The following SNTG1 variants were observed in gnomAD, a reference collection of about 807,000 sequenced individuals.
SNTG1 encodes syntrophin gamma 1, also known as gamma-1-syntrophin.
A neutral mutation model predicts 74.7 loss-of-function variants in SNTG1; 39 were observed. The observed-to-expected ratio is 0.52, with a 90% CI of 0.40 to 0.68. SNTG1 has a LOEUF of 0.68. Ranked by LOEUF, SNTG1 falls within the 30% of genes least tolerant of loss-of-function variation. The pLI, the probability that SNTG1 is intolerant of heterozygous loss-of-function variation, is 0.00. For synonymous variants in SNTG1, 254 were observed against 217.1 expected, an observed-to-expected ratio of 1.17 and a Z score of -1.49; for missense variants, 685 against 609.5, an observed-to-expected ratio of 1.12 and a Z score of -1.30.
At chr8:50,610,774 C>T (rs2094844288) in intron 13 of SNTG1, among the ~76,000 whole-genome samples, 1 of 152,076 alleles carries the variant, frequency 6.6e-6, no homozygotes, top group Non-Finnish European at 1.5e-5. Flanking sequence ...GTAGTAAGAC[C>T]ATAAACTCCT....
chr8:50,164,628 G>A (rs1270393595), intron 1 of SNTG1, among the ~76,000 whole-genome samples: 1 of 152,014 alleles, frequency 6.6e-6, no homozygotes, highest in South Asian at 2.1e-4. Flanking sequence ...TTATTTATTT[G>A]TCCCTTGTTT....
rs566553080 is a variant in SNTG1, at chr8:50,057,848, A to G, written c.-102-114713A>G. 7.2e-5 allele frequency among the ~76,000 whole-genome samples: 11 copies of G among 152,276 alleles called. 1 individual carries two copies. The highest frequency in any genetic ancestry group is 2.4e-4 in the African/African-American group (10 of 41,576). On this transcript the variant is annotated intron_variant, in intron 1 of 18. Coordinates refer to ENST00000642720, the MANE Select transcript of SNTG1 (RefSeq NM_018967.5). The stretch of plus-strand genomic sequence containing the variant: ...CTATTTTAGGGTTGTTAATGATCCC[A>G]GGACCCATGATCATTTCAGTTTAGG...
At chr8:50,208,565 A>T (rs140200994) in intron 2 of SNTG1, among the ~76,000 whole-genome samples, 75 of 152,234 alleles carry the variant, frequency 4.9e-4, no homozygotes, top group African/African-American at 1.4e-3. Flanking sequence ...TTTACATTTA[A>T]GGTTAATATT....
chr8:50,120,991 G>A lies in SNTG1; in HGVS notation c.-102-51570G>A, dbSNP rs182250913. Among the ~76,000 whole-genome samples the A allele has an allele frequency of 5.6e-5, 8 of 141,692 alleles. 3 individuals carry two copies. The Admixed American group carries it at 5.8e-4, about 10-fold the overall frequency. 93.0% of individuals were successfully genotyped at this position (141,692 alleles called of 152,430 possible). On this transcript the variant is annotated intron_variant, in intron 1 of 18. Transcript: ENST00000642720. ...TCTGACTTATAGGAAACACTGAGCT[G>A]CTTTTGCTCCCCATATTTCATTATC...
At chr8:50,749,320 G>T (rs1207882067) in intron 17 of SNTG1, among the ~76,000 whole-genome samples, 1 of 152,030 alleles carries the variant, frequency 6.6e-6, no homozygotes, top group Non-Finnish European at 1.5e-5. Context: ...AAAGGTTGAA[G>T]CTAGCATAAG....
intron 1 of SNTG1, among the ~76,000 whole-genome samples, chr8:50,092,325 T>C (rs2079770615): frequency 6.6e-6 from 1 of 152,202 alleles, no homozygotes; most frequent in Non-Finnish European, 1.5e-5. Flanking sequence ...TGGGAGGTTT[T>C]TGAGAGCCAC....
rs545326242 is a variant in SNTG1, at chr8:49,952,799, T to C, written c.-103+40568T>C. On this transcript the variant is annotated intron_variant, in intron 1 of 18. Transcript: ENST00000642720. The stretch of plus-strand genomic sequence containing the variant: ...AAATATATAGGACTTTTTAATAGCT[T>C]TGACTTAATAGGTAATCATAAGAAG... Among the ~76,000 whole-genome samples, 3 of 152,278 alleles carry C rather than the reference T, an allele frequency of 2.0e-5. No individual in the cohort carries two copies. In the East Asian group the frequency reaches 5.8e-4, roughly 29 times the overall value.
At chr8:50,501,727 G>C (rs542230120) in intron 8 of SNTG1, among the ~76,000 whole-genome samples, 143 of 151,704 alleles carry the variant, frequency 9.4e-4, no homozygotes, top group Non-Finnish European at 1.8e-3. Context: ...CAAAGTGCTG[G>C]GATTGCAGGC....
At chr8:50,315,910 G>C (rs1321730619) in intron 2 of SNTG1, among the ~76,000 whole-genome samples, 2 of 152,074 alleles carry the variant, frequency 1.3e-5, no homozygotes, top group Non-Finnish European at 2.9e-5. Context: ...ATACTACCTG[G>C]AAGTTCAGAA....
chr8:50,444,059 A>C (rs1563395035), intron 5 of SNTG1, among the ~76,000 whole-genome samples: 1 of 152,078 alleles, frequency 6.6e-6, no homozygotes, highest in East Asian at 1.9e-4. Flanking sequence ...AATCACTTGA[A>C]CCGGGGAGGC....
intron 2 of SNTG1, among the ~76,000 whole-genome samples, chr8:50,334,056 C>G (rs188256526): frequency 6.6e-6 from 1 of 152,316 alleles, no homozygotes. Flanking sequence ...ATCATCACGC[C>G]TGGCTAATTT....
chr8:50,521,492 T>C (rs1229636872), intron 9 of SNTG1, among the ~76,000 whole-genome samples: 1 of 152,152 alleles, frequency 6.6e-6, no homozygotes, highest in Admixed American at 6.6e-5. Context: ...TGTTAGTCTC[T>C]CTATTGATGG....
At chr8:50,058,123 A>T (rs6990200) in intron 1 of SNTG1, among the ~76,000 whole-genome samples, 3,931 of 152,176 alleles carry the variant, frequency 0.026, 178 homozygotes, top group African/African-American at 0.088. Context: ...TTCTAAAGCC[A>T]CTTTTTAAAA....
In SNTG1 at chr8:50,418,140, C is replaced by A. The variant is rs929132404; in HGVS notation, c.162+15796C>A. Among the ~76,000 whole-genome samples, 3 of 152,288 alleles carry A rather than the reference C, an allele frequency of 2.0e-5. No individual in the cohort carries two copies. In the South Asian group the frequency reaches 6.2e-4, roughly 32 times the overall value. ...CATTTCTCTGCTTCCTCTTCCAGAG[C>A]AAAGCCATTGAAGTGATTGTTTCTT... On this transcript the variant is annotated intron_variant, in intron 4 of 18. Coordinates refer to ENST00000642720, the MANE Select transcript of SNTG1 (RefSeq NM_018967.5).
chr8:50,668,861 T>G (rs2095263811), intron 15 of SNTG1, among the ~76,000 whole-genome samples: 2 of 152,076 alleles, frequency 1.3e-5, no homozygotes, highest in South Asian at 4.1e-4. Context: ...GTACCACATT[T>G]TCTTTATTCA....
intron 1 of SNTG1, among the ~76,000 whole-genome samples, chr8:49,949,605 G>A (rs765253478): frequency 1.1e-4 from 16 of 152,152 alleles, no homozygotes; most frequent in Non-Finnish European, 1.8e-4. Context: ...ACTCAGTAAT[G>A]TCTACGATTT....
intron 4 of SNTG1, among the ~76,000 whole-genome samples, chr8:50,431,726 T>A (rs1412053782): frequency 1.3e-5 from 2 of 152,210 alleles, no homozygotes; most frequent in African/African-American, 4.8e-5. Flanking sequence ...GCCGTTTTAA[T>A]AAGTGTATAA....
At chr8:50,327,424 C>G (rs557607195) in intron 2 of SNTG1, among the ~76,000 whole-genome samples, 2 of 152,044 alleles carry the variant, frequency 1.3e-5, no homozygotes, top group East Asian at 3.9e-4. Flanking sequence ...TACTTTACTC[C>G]TGTTACTTTT....
In SNTG1 at chr8:50,788,796, A is replaced by G. The variant is rs1253472163; in HGVS notation, c.1396-3875A>G. On this transcript the variant is annotated intron_variant, in intron 18 of 18. Transcript: ENST00000642720. ...GAATGAAGCAAAGCTACACACTACC[A>G]AATCTACCCACCTTCCTTGAGTTGT... 4.6e-5 allele frequency among the ~76,000 whole-genome samples: 7 copies of G among 151,946 alleles called. No homozygotes were observed. In the East Asian group the frequency reaches 1.4e-3, roughly 29 times the overall value.
Sources: gnomAD v4.1 joint callset for allele counts (sites outside exome capture counted in the v4.1 genomes callset) on GRCh38, gnomAD v4.1.1 for gene constraint, MANE v1.5 for transcripts, NCBI Gene and HGNC (gene_info 2026-07-23, HGNC 2026-07-21) for gene names.